The following POMT2 variants were observed in gnomAD, a reference collection of about 807,000 sequenced individuals.
POMT2 encodes the protein protein O-mannosyltransferase 2.
A neutral mutation model predicts 100.0 loss-of-function variants in POMT2; 75 were observed. That is an observed-to-expected ratio of 0.75 (90% confidence interval 0.62 to 0.91). POMT2 has a LOEUF of 0.91. Ranked by LOEUF, POMT2 falls within the 40% of genes least tolerant of loss-of-function variation. The pLI is 0.00. For missense variants in POMT2, 940 were observed against 955.1 expected (o/e 0.98, Z 0.21); for synonymous variants, 378 against 374.1 (o/e 1.01, Z -0.12).
intron 1 of POMT2, among the ~76,000 whole-genome samples, chr14:77,318,072 G>A (rs1180165641): frequency 1.3e-5 from 2 of 152,160 alleles, no homozygotes; most frequent in Non-Finnish European, 2.9e-5. Flanking sequence ...TAGTTACTAG[G>A]GTAGGACACA....
intron 10 of POMT2, among the ~76,000 whole-genome samples, chr14:77,289,738 A>G (rs1356861815): frequency 6.6e-6 from 1 of 152,240 alleles, no homozygotes; most frequent in Non-Finnish European, 1.5e-5. Context: ...TGTGAGGTGA[A>G]TAATGATGAA....
intron 20 of POMT2, among the ~76,000 whole-genome samples, chr14:77,278,050 T>G: frequency 6.6e-6 from 1 of 150,678 alleles, no homozygotes; most frequent in Non-Finnish European, 1.5e-5. Context: ...TAAAGAGGGG[T>G]TCCCTGCCCC....
chr14:77,277,401 C>T lies in POMT2; in HGVS notation c.2228G>A (p.Arg743Lys), dbSNP rs767359121. 5 of 1,613,870 alleles carry T rather than the reference C, an allele frequency of 3.1e-6. No homozygotes were observed. The South Asian group carries it at 5.5e-5, about 18-fold the overall frequency. ...TCAAAAGTCCCATGAGTCCAGCCAC[C>T]TTAGTCCTGCCATTGGACTTTGGGG... ...QDPQSPMAGLRWLDSWDF is the reference protein window; with the variant it reads ...QDPQSPMAGLKWLDSWDF Residue 743 changes from arginine (R) to lysine (K), a missense_variant, in exon 21 of 21, where the codon AGG becomes AAG. By Grantham distance (26) the Arg-to-Lys change is conservative (BLOSUM62 2). Coordinates refer to ENST00000261534, the MANE Select transcript of POMT2 (RefSeq NM_013382.7).
In POMT2 at chr14:77,278,377, G is replaced by A. The variant is rs777799433; in HGVS notation, c.2147+17C>T. The A allele has an allele frequency of 6.9e-7, 1 of 1,453,200 alleles. No individual in the cohort carries two copies. Among genetic ancestry groups the A allele is most frequent in the South Asian group, 1.2e-5 (1 of 81,994 alleles). 90.0% of individuals were successfully genotyped at this position (1,453,200 alleles called of 1,614,324 possible). On this transcript the variant is annotated intron_variant, in intron 20 of 20. Coordinates refer to ENST00000261534, the MANE Select transcript of POMT2 (RefSeq NM_013382.7). ...GAGCCCACACTGGGAGGGCATGTGA[G>A]GTGCAGAGATGCTCACCTGTAGGCA...
Position 77,278,487 on chromosome 14 carries a change from A to G in POMT2, c.2054T>C (p.Leu685Pro), listed in dbSNP as rs1463463670. The G allele has an allele frequency of 1.3e-6, 2 of 1,491,858 alleles. No individual in the cohort carries two copies. Among genetic ancestry groups the G allele is most frequent in the African/African-American group, 1.4e-5 (1 of 71,740 alleles). The allele number at this position is 1,491,858 out of a possible 1,614,324, so 92.4% of individuals were successfully genotyped here. A position where few individuals can be genotyped will look rare whatever the true frequency, so the allele number is the denominator to read the frequency against. Residue 685 changes from leucine to proline, a missense_variant, in exon 20 of 21, where the codon CTG becomes CCG. By Grantham distance (98) the Leu-to-Pro change is moderately conservative. Coordinates refer to ENST00000261534, the MANE Select transcript of POMT2 (RefSeq NM_013382.7). ...MLTGILWDTL[L>P]RLCAWGLASW... ...GGCCAAGCCCCAGGCACAGAGCCGC[A>G]GGAGGGTGTCCCACAGAATGCCTAG...
intron 18 of POMT2, chr14:77,279,552 G>T: frequency 3.4e-6 from 2 of 596,360 alleles, no homozygotes; most frequent in Non-Finnish European, 6.3e-6. Context: ...GTATGTCCTG[G>T]GGCAAGTTTC....
Position 77,286,704 on chromosome 14 carries a change from T to C in POMT2, c.1332+40A>G, listed in dbSNP as rs769286869. On this transcript the variant is annotated intron_variant, in intron 12 of 20. Transcript: ENST00000261534. ...CCACACAGCCCTGAGCCAAGGCCCATAACTTTTACGTCCTACTCACATCCC... is the reference window on the plus strand; with the variant it reads ...CCACACAGCCCTGAGCCAAGGCCCACAACTTTTACGTCCTACTCACATCCC... The C allele has an allele frequency of 1.9e-6, 3 of 1,613,610 alleles. No individual in the cohort carries two copies. The Admixed American group carries it at 5.0e-5, about 27-fold the overall frequency.
intron 2 of POMT2, among the ~76,000 whole-genome samples, chr14:77,307,735 G>T (rs1891275026): frequency 1.3e-5 from 2 of 152,090 alleles, no homozygotes; most frequent in African/African-American, 4.8e-5. Context: ...CTCACAGGGG[G>T]CATGAGGATT....
intron 1 of POMT2, among the ~76,000 whole-genome samples, chr14:77,318,641 C>T (rs1274201430): frequency 6.6e-6 from 1 of 151,894 alleles, no homozygotes. Flanking sequence ...AAAAATCTAA[C>T]AAAAATCCTG....
Position 77,298,700 on chromosome 14 carries a change from G to A in POMT2, c.995C>T (p.Ser332Phe). 6.2e-7 allele frequency: 1 copy of A among 1,613,862 alleles called. No homozygotes were observed. The highest frequency in any genetic ancestry group is 1.3e-5 in the African/African-American group (1 of 75,056). ...RLSGNNLHNASIPEHLAYGSV... is the reference protein window; with the variant it reads ...RLSGNNLHNAFIPEHLAYGSV... ...CCAGAGACACTCACGTTCAGGGATG[G>A]AAGCATTGTGCAGGTTGTTCCCTGA... The change falls in exon 8 of 21, where the codon TCC becomes TTC. Residue 332 changes from serine to phenylalanine, a missense_variant. By Grantham distance (155) the Ser-to-Phe change is radical. Coordinates refer to ENST00000261534, the MANE Select transcript of POMT2 (RefSeq NM_013382.7).
At chr14:77,319,166 G>C (rs1253729651) in intron 1 of POMT2, among the ~76,000 whole-genome samples, 1 of 152,198 alleles carries the variant, frequency 6.6e-6, no homozygotes, top group Non-Finnish European at 1.5e-5. Flanking sequence ...ACTGGTCTTA[G>C]ACTGCAGCCC....
At chr14:77,302,227 G>A (rs1313467027) in intron 5 of POMT2, among the ~76,000 whole-genome samples, 2 of 152,194 alleles carry the variant, frequency 1.3e-5, no homozygotes, top group African/African-American at 4.8e-5. Context: ...AGGATGATCT[G>A]GAAAAGACTA....
At chr14:77,298,418 T>C (rs1372736711) in intron 8 of POMT2, among the ~76,000 whole-genome samples, 1 of 152,208 alleles carries the variant, frequency 6.6e-6, no homozygotes, top group African/African-American at 2.4e-5. Flanking sequence ...GCTGTCACCA[T>C]ATTCTCTCTG....
chr14:77,308,491 G>A (rs929665542), intron 2 of POMT2, among the ~76,000 whole-genome samples: 1 of 151,610 alleles, frequency 6.6e-6, no homozygotes, highest in Admixed American at 6.6e-5. Context: ...AAGTAGCTAG[G>A]ATTACAGGCA....
At chr14:77,307,668 A>T (rs1891272020) in intron 2 of POMT2, among the ~76,000 whole-genome samples, 1 of 152,126 alleles carries the variant, frequency 6.6e-6, no homozygotes, top group Non-Finnish European at 1.5e-5. Flanking sequence ...CCTATATTCT[A>T]GTTCTCTGAT....
chr14:77,290,844 TC>T (rs1890612757), intron 10 of POMT2, among the ~76,000 whole-genome samples: 1 of 152,140 alleles, frequency 6.6e-6, no homozygotes, highest in Non-Finnish European at 1.5e-5. Flanking sequence ...GCCCCTCAGA[TC>T]AACTGACTGA....
intron 1 of POMT2, among the ~76,000 whole-genome samples, chr14:77,314,735 C>A (rs1566663276): frequency 6.6e-6 from 1 of 152,194 alleles, no homozygotes; most frequent in Non-Finnish European, 1.5e-5. Context: ...TGGCAGCAAG[C>A]CCAGCAGCCC....
chr14:77,313,656 G>C (rs1205765537), intron 1 of POMT2, among the ~76,000 whole-genome samples: 1 of 152,316 alleles, frequency 6.6e-6, no homozygotes, highest in Non-Finnish European at 1.5e-5. Context: ...ATCTGTTTGG[G>C]AACATACTAA....
intron 1 of POMT2, 163 bp from the exon 2 acceptor site, chr14:77,312,196 A>G: frequency 8.1e-7 from 1 of 1,235,526 alleles, no homozygotes; most frequent in Non-Finnish European, 1.1e-6. Flanking sequence ...TTTTAGGAAG[A>G]AAGACATCAA....
Sources: allele counts gnomAD v4.1 joint callset (sites outside exome capture counted in the v4.1 genomes callset), GRCh38; gene constraint gnomAD v4.1.1; transcripts MANE v1.5; gene names NCBI Gene and HGNC (gene_info 2026-07-23, HGNC 2026-07-21).